The following GRIK1 variants were observed in gnomAD, a reference collection of about 807,000 sequenced individuals.
The protein encoded by GRIK1 is glutamate receptor ionotropic, kainate 1.
Under a neutral mutation model 105.7 loss-of-function variants are expected in GRIK1, and 69 were observed. The observed-to-expected ratio is 0.65, with a 90% CI of 0.54 to 0.80. GRIK1 has a LOEUF of 0.80. GRIK1 is among the 30% of genes least tolerant of loss of function. The pLI is 0.00. For synonymous variants in GRIK1, 438 were observed against 431.3 expected (o/e 1.02, Z -0.19); for missense variants, 1,109 against 1,167.3 (o/e 0.95, Z 0.73).
At chr21:29,875,984 T>G (rs2069177342) in intron 1 of GRIK1, among the ~76,000 whole-genome samples, 1 of 152,172 alleles carries the variant, frequency 6.6e-6, no homozygotes, top group African/African-American at 2.4e-5. Flanking sequence ...TGCAAGCACG[T>G]GAGCTCCCAC....
intron 16 of GRIK1, among the ~76,000 whole-genome samples, chr21:29,543,981 T>C (rs1272923408): frequency 6.6e-6 from 1 of 152,216 alleles, no homozygotes; most frequent in Non-Finnish European, 1.5e-5. Context: ...TACCTCCATG[T>C]TGTCTCTTCT....
chr21:29,824,689 A>C (rs1045244787), intron 1 of GRIK1, among the ~76,000 whole-genome samples: 5 of 150,882 alleles, frequency 3.3e-5, no homozygotes, highest in African/African-American at 1.2e-4. Flanking sequence ...TGTGGCGAGA[A>C]GTCATTGCAC....
At chr21:29,561,957 C>T in intron 14 of GRIK1, 108 bp from the exon 15 acceptor site, 2 of 684,344 alleles carry the variant, frequency 2.9e-6, no homozygotes, top group South Asian at 3.4e-5. Context: ...GATACTTTCT[C>T]CACAGGTGGG....
chr21:29,566,173 G>C (rs767815496), intron 14 of GRIK1, among the ~76,000 whole-genome samples: 37 of 152,108 alleles, frequency 2.4e-4, no homozygotes, highest in Non-Finnish European at 4.9e-4. Context: ...GACAGCCTGG[G>C]TGTTTTTGTA....
chr21:29,659,470 T>C (rs1014100902), intron 4 of GRIK1, among the ~76,000 whole-genome samples: 1 of 152,214 alleles, frequency 6.6e-6, no homozygotes, highest in Non-Finnish European at 1.5e-5. Context: ...TGCATACTTA[T>C]GAAATTCCAT....
intron 7 of GRIK1, among the ~76,000 whole-genome samples, chr21:29,615,863 G>C (rs2061838641): frequency 6.6e-6 from 1 of 152,124 alleles, no homozygotes; most frequent in Non-Finnish European, 1.5e-5. Flanking sequence ...CGTAACTTTG[G>C]ATTTCCTGCA....
In GRIK1 at chr21:29,577,621, A is replaced by G. The variant is rs570653403; in HGVS notation, c.1913-440T>C. ...AGGTTAAAGAATGAGAGCTACTTGTAAAATATTAACATGCCATTTATCACA... is the reference window on the plus strand; with the variant it reads ...AGGTTAAAGAATGAGAGCTACTTGTGAAATATTAACATGCCATTTATCACA... On this transcript the variant is annotated intron_variant, in intron 13 of 17. Coordinates refer to ENST00000327783, the MANE Select transcript of GRIK1 (RefSeq NM_001330994.2). Among the ~76,000 whole-genome samples the G allele has an allele frequency of 1.1e-4, 17 of 152,354 alleles. No individual in the cohort carries two copies. In the East Asian group the frequency reaches 3.3e-3, roughly 29 times the overall value.
intron 1 of GRIK1, among the ~76,000 whole-genome samples, chr21:29,807,288 GGT>G (rs1387976481): frequency 2.0e-5 from 3 of 152,030 alleles, no homozygotes; most frequent in African/African-American, 7.2e-5. Flanking sequence ...GCGGCTGTGG[GGT>G]GTGAGAAAGA....
At chr21:29,723,251 G>A (rs544783893) in intron 1 of GRIK1, among the ~76,000 whole-genome samples, 10 of 152,136 alleles carry the variant, frequency 6.6e-5, no homozygotes, top group Non-Finnish European at 8.8e-5. Flanking sequence ...TTTAAAATTT[G>A]AGAATACTGT....
chr21:29,699,471 G>T (rs753974486), intron 1 of GRIK1, among the ~76,000 whole-genome samples: 1 of 152,016 alleles, frequency 6.6e-6, no homozygotes, highest in African/African-American at 2.4e-5. Context: ...AAGCCATGGA[G>T]AGAGGCCTCT....
chr21:29,915,730 G>A (rs2070973201), intron 1 of GRIK1, among the ~76,000 whole-genome samples: 1 of 151,980 alleles, frequency 6.6e-6, no homozygotes, highest in African/African-American at 2.4e-5. Flanking sequence ...TTATAAGCAA[G>A]TTACTTAACC....
At chr21:29,560,145 G>T (rs962719565) in intron 15 of GRIK1, among the ~76,000 whole-genome samples, 1 of 152,194 alleles carries the variant, frequency 6.6e-6, no homozygotes, top group Non-Finnish European at 1.5e-5. Context: ...TTGACTGTTA[G>T]CTATGATTTC....
rs557992371 is a variant in GRIK1, at chr21:29,543,840, C to T, written c.2608-5956G>A. ...ACGTCTTGCCTGGCCCGTTTTCTTGCAACTTTAAAGCTTTAAACTGGCTCC... is the reference window on the plus strand; with the variant it reads ...ACGTCTTGCCTGGCCCGTTTTCTTGTAACTTTAAAGCTTTAAACTGGCTCC... On this transcript the variant is annotated intron_variant, in intron 16 of 17. Transcript: ENST00000327783. 7.2e-5 allele frequency among the ~76,000 whole-genome samples: 11 copies of T among 152,324 alleles called. No individual in the cohort carries two copies. The South Asian group carries it at 2.3e-3, about 32-fold the overall frequency.
intron 1 of GRIK1, among the ~76,000 whole-genome samples, chr21:29,808,413 A>G (rs2066919828): frequency 6.6e-6 from 1 of 152,178 alleles, no homozygotes; most frequent in Non-Finnish European, 1.5e-5. Flanking sequence ...CTGAATACAT[A>G]CCAACTGGCA....
chr21:29,692,489 A>C (rs998344571), intron 2 of GRIK1, among the ~76,000 whole-genome samples: 3 of 152,224 alleles, frequency 2.0e-5, no homozygotes, highest in Admixed American at 2.0e-4. Context: ...GACCCATATG[A>C]TATCTCAAAG....
chr21:29,843,134 T>C (rs1469333605), intron 1 of GRIK1, among the ~76,000 whole-genome samples: 1 of 152,188 alleles, frequency 6.6e-6, no homozygotes, highest in Non-Finnish European at 1.5e-5. Flanking sequence ...GGCAGGTTCT[T>C]GTCAGTAGGC....
intron 1 of GRIK1, among the ~76,000 whole-genome samples, chr21:29,938,530 A>C (rs2071854661): frequency 6.6e-6 from 1 of 152,142 alleles, no homozygotes; most frequent in Admixed American, 6.5e-5. Flanking sequence ...CTATACACTT[A>C]TGGCTGTCAG....
chr21:29,560,364 T>TCTTTTTCTTC (rs2090394814), intron 15 of GRIK1, among the ~76,000 whole-genome samples: 2 of 35,930 alleles, frequency 5.6e-5, no homozygotes, highest in African/African-American at 2.5e-4. Context: ...TCTTTTTCTT[T>TCTTTTTCTTC]CTTCCTTCCT....
intron 1 of GRIK1, among the ~76,000 whole-genome samples, chr21:29,701,781 T>A (rs2063817372): frequency 6.6e-6 from 1 of 152,170 alleles, no homozygotes; most frequent in Non-Finnish European, 1.5e-5. Flanking sequence ...GAGATGATGA[T>A]GGCTTTGTAC....
Sources: gnomAD v4.1 joint callset for allele counts (sites outside exome capture counted in the v4.1 genomes callset) on GRCh38, gnomAD v4.1.1 for gene constraint, MANE v1.5 for transcripts, NCBI Gene and HGNC (gene_info 2026-07-23, HGNC 2026-07-21) for gene names.